The following CR2 variants were observed in gnomAD, a reference collection of about 807,000 sequenced individuals.
CR2 encodes complement receptor type 2.
In CR2, 96 loss-of-function variants were observed where a neutral mutation model predicts 123.0. The observed-to-expected ratio is 0.78, with a 90% CI of 0.66 to 0.93. CR2 has a LOEUF of 0.93. Among genes scored for constraint, CR2 ranks in the 40% least tolerant of loss-of-function variants. CR2 has a pLI of 0.00. For synonymous variants in CR2, 484 were observed against 469.5 expected (o/e 1.03, Z -0.40); for missense variants, 1,258 against 1,361.0 (o/e 0.92, Z 1.19).
chr1:207,472,207 C>G (rs1038043826), intron 9 of CR2, among the ~76,000 whole-genome samples: 3 of 151,996 alleles, frequency 2.0e-5, no homozygotes, highest in African/African-American at 4.8e-5. Flanking sequence ...TGAGATCACA[C>G]CACTGCACTC....
At position 207,475,074 on chromosome 1, in the gene CR2, C is replaced by T. The variant is rs778827744; in HGVS notation, c.2574C>T (p.Leu858=). The T allele has an allele frequency of 6.2e-7, 1 of 1,612,972 alleles. No homozygotes were observed. The highest frequency in any genetic ancestry group is 8.5e-7 in the Non-Finnish European group (1 of 1,179,252). Residue 858 remains leucine, a synonymous_variant, in exon 14 of 20, where the codon CTC becomes CTT. Transcript: ENST00000367057. ...CAGAAGTCAAACATGGGTACAAGCT[C>T]AATAAAACACATTCTGCATATTCCC... ...PNPEVKHGYK[L]NKTHSAYSHN...
chr1:207,481,457 C>T (rs914512820), intron 18 of CR2, among the ~76,000 whole-genome samples: 6 of 151,984 alleles, frequency 3.9e-5, no homozygotes, highest in South Asian at 2.1e-4. Context: ...TAGCTTTTTC[C>T]GAGATGTGTT....
At chr1:207,481,978 ATTTG>A (rs1307072981) in intron 18 of CR2, among the ~76,000 whole-genome samples, 2 of 151,888 alleles carry the variant, frequency 1.3e-5, no homozygotes, top group African/African-American at 4.8e-5. Context: ...ATTTTCATTT[ATTTG>A]TTTTTGTCTC....
chr1:207,470,498 A>G (rs1658236707), intron 6 of CR2, among the ~76,000 whole-genome samples: 1 of 152,182 alleles, frequency 6.6e-6, no homozygotes, highest in Admixed American at 6.5e-5. Flanking sequence ...GAGTTGCAGA[A>G]CCCAGTGGAA....
chr1:207,478,043 A>G lies in CR2; in HGVS notation c.3061A>G (p.Asn1021Asp), dbSNP rs746404104. ...QSQCQSDHQW[N>D]PPLAVCRSRS... ...CCAGTGCCAATCGGATCACCAATGG[A>G]ACCCTCCCCTGGCGGTTTGCAGATC... The change falls in exon 16 of 20, where the codon AAC becomes GAC. Residue 1021 changes from asparagine to aspartate, a missense_variant. Physicochemically the swap from Asn to Asp is conservative, Grantham distance 23. Transcript: ENST00000367057. 5.0e-6 allele frequency: 8 copies of G among 1,613,834 alleles called. No individual in the cohort carries two copies. Among genetic ancestry groups the G allele is most frequent in the Non-Finnish European group, 5.9e-6 (7 of 1,179,946 alleles).
At position 207,485,502 on chromosome 1, in the gene CR2, A is replaced by C. The variant is rs780072195; in HGVS notation, c.3227A>C (p.His1076Pro). ...YTDTSQKEAF[H>P]LEAREVYSVD... ...GATACAAGCCAGAAAGAAGCTTTTC[A>C]TTTAGAAGCACGAGAAGTATATTCT... The change falls in exon 19 of 20, where the codon CAT (histidine) becomes CCT (proline). Residue 1076 changes from histidine to proline, a missense_variant. His to Pro is a moderately conservative substitution (Grantham distance 77). Coordinates refer to ENST00000367057, the MANE Select transcript of CR2 (RefSeq NM_001006658.3). The C allele has an allele frequency of 1.2e-6, 2 of 1,613,522 alleles. No individual in the cohort carries two copies. Among genetic ancestry groups the C allele is most frequent in the Non-Finnish European group, 1.7e-6 (2 of 1,179,474 alleles).
At chr1:207,482,255 A>G (rs1658624347) in intron 18 of CR2, among the ~76,000 whole-genome samples, 1 of 152,212 alleles carries the variant, frequency 6.6e-6, no homozygotes. Context: ...TTTTTAAAAT[A>G]CAAAAGTAAA....
At position 207,466,514 on chromosome 1, in the gene CR2, T is replaced by G. The variant is rs1439342810; in HGVS notation, c.59-12T>G. ...ATCAGTATGCCTACCAAGTTCCTTT[T>G]CTACTTTTCAGGGATTTCTTGTGGC... is the stretch of plus-strand genomic sequence containing the variant. On this transcript the variant is annotated splice_polypyrimidine_tract_variant and intron_variant, in intron 1 of 19. Transcript: ENST00000367057. 1 of 1,613,918 alleles carries G rather than the reference T, an allele frequency of 6.2e-7. No homozygotes were observed. The highest frequency in any genetic ancestry group is 8.5e-7 in the Non-Finnish European group (1 of 1,179,942).
intron 1 of CR2, among the ~76,000 whole-genome samples, chr1:207,463,108 T>C (rs1219261116): frequency 6.6e-6 from 1 of 152,108 alleles, no homozygotes; most frequent in Non-Finnish European, 1.5e-5. Context: ...TCAAATTCTG[T>C]TTGGGTTGAT....
intron 1 of CR2, among the ~76,000 whole-genome samples, chr1:207,458,061 C>CACACACACACAA (rs1657877677): frequency 7.4e-6 from 1 of 135,136 alleles, no homozygotes; most frequent in Admixed American, 7.0e-5. Flanking sequence ...AAGGCCACAA[C>CACACACACACAA]ACACACACAC....
intron 18 of CR2, among the ~76,000 whole-genome samples, chr1:207,482,960 G>GA (rs34366644): frequency 0.013 from 1,489 of 118,264 alleles, 9 homozygotes; most frequent in South Asian, 0.057. Flanking sequence ...TGCCATTAAA[G>GA]AAAAAAAAAA....
At position 207,469,963 on chromosome 1, in the gene CR2, A is replaced by T. The variant is rs371022418; in HGVS notation, c.1086A>T (p.Val362=). Residue 362 remains valine, a synonymous_variant, in exon 6 of 20, where the codon GTA becomes GTT. Coordinates refer to ENST00000367057, the MANE Select transcript of CR2 (RefSeq NM_001006658.3). The part of the protein sequence containing the change: ...PHPQILRGRM[V]SGQKDRYTYN... ...CCCAGATCCTAAGAGGCCGAATGGT[A>T]TCTGGGCAGAAAGATCGATATACCT... 403 of 1,614,008 alleles carry T rather than the reference A, an allele frequency of 2.5e-4. 10 individuals carry two copies. In the South Asian group the frequency reaches 4.3e-3, roughly 17 times the overall value.
At position 207,466,827 on chromosome 1, in the gene CR2, C is replaced by A. The variant is rs1658113803; in HGVS notation, c.360C>A (p.Thr120=). 1 of 1,613,322 alleles carries A rather than the reference C, an allele frequency of 6.2e-7. No individual in the cohort carries two copies. The highest frequency in any genetic ancestry group is 8.5e-7 in the Non-Finnish European group (1 of 1,179,844). The part of the protein sequence containing the change: ...HGDSVTFACK[T]NFSMNGNKSV... ...ATTCTGTGACATTTGCCTGTAAAACCAACTTCTCCATGAACGGAAACAAGT... is the reference window on the plus strand; with the variant it reads ...ATTCTGTGACATTTGCCTGTAAAACAAACTTCTCCATGAACGGAAACAAGT... The change falls in exon 2 of 20, where the codon ACC becomes ACA. Residue 120 remains threonine, a synonymous_variant. Transcript: ENST00000367057.
chr1:207,460,026 G>A (rs942250131), intron 1 of CR2, among the ~76,000 whole-genome samples: 1 of 152,184 alleles, frequency 6.6e-6, no homozygotes, highest in African/African-American at 2.4e-5. Context: ...TTCCATCTTC[G>A]TCCATGTCAT....
At chr1:207,465,313 G>A (rs1658066352) in intron 1 of CR2, among the ~76,000 whole-genome samples, 1 of 152,066 alleles carries the variant, frequency 6.6e-6, no homozygotes, top group African/African-American at 2.4e-5. Flanking sequence ...GTATTTTGGG[G>A]CAGTGCTAGA....
In CR2 at chr1:207,475,218, T is replaced by C. The variant is rs2102307813; in HGVS notation, c.2716+2T>C. The C allele has an allele frequency of 6.2e-6, 10 of 1,613,904 alleles. No individual in the cohort carries two copies. The highest frequency in any genetic ancestry group is 8.5e-6 in the Non-Finnish European group (10 of 1,179,882). ...GTGTGCCAACTTGTATCAAAAAAGGTAAGATACTTGGAAGGGATAAGTTAT... is the reference window on the plus strand; with the variant it reads ...GTGTGCCAACTTGTATCAAAAAAGGCAAGATACTTGGAAGGGATAAGTTAT... On this transcript the variant is annotated splice_donor_variant, in intron 14 of 19. Transcript: ENST00000367057. LOFTEE classifies it high-confidence loss of function.
chr1:207,462,631 A>G (rs1331463200), intron 1 of CR2, among the ~76,000 whole-genome samples: 2 of 152,350 alleles, frequency 1.3e-5, no homozygotes, highest in Non-Finnish European at 1.5e-5. Flanking sequence ...TTAGAAAAGT[A>G]AATTATGTCA....
At chr1:207,475,318 A>G in intron 14 of CR2, 102 bp downstream of exon 14, 1 of 1,258,354 alleles carries the variant, frequency 7.9e-7, no homozygotes, top group South Asian at 1.4e-5. Context: ...AGCATCTAAG[A>G]GCTAAGGCAG....
At chr1:207,456,623 A>G (rs1310089111) in intron 1 of CR2, among the ~76,000 whole-genome samples, 1 of 152,228 alleles carries the variant, frequency 6.6e-6, no homozygotes, top group African/African-American at 2.4e-5. Context: ...TTCAGTGGCC[A>G]CCTAACTTTA....
Sources: allele counts gnomAD v4.1 joint callset (sites outside exome capture counted in the v4.1 genomes callset), GRCh38; gene constraint gnomAD v4.1.1; transcripts MANE v1.5; gene names NCBI Gene and HGNC (gene_info 2026-07-23, HGNC 2026-07-21).